KDM4C: variants seen among roughly 807,000 people sequenced by gnomAD.
KDM4C encodes the protein lysine demethylase 4C.
A neutral mutation model predicts 129.3 loss-of-function variants in KDM4C; 81 were observed. The ratio of observed to expected loss-of-function variants is 0.63; its 90% CI spans 0.52 to 0.75. The LOEUF (loss-of-function observed/expected upper bound fraction) is 0.75, where lower values mean the gene tolerates loss of function less well. Ranked by LOEUF, KDM4C falls within the 30% of genes least tolerant of loss-of-function variation. The pLI, the probability that KDM4C is intolerant of heterozygous loss-of-function variation, is 0.00. For synonymous variants in KDM4C, 573 were observed against 456.1 expected, an observed-to-expected ratio of 1.26 and a Z score of -3.26; for missense variants, 1,457 against 1,304.0, an observed-to-expected ratio of 1.12 and a Z score of -1.81.
At chr9:6,825,135 A>G (rs1029104056) in intron 4 of KDM4C, among the ~76,000 whole-genome samples, 1 of 143,850 alleles carries the variant, frequency 7.0e-6, no homozygotes, top group Non-Finnish European at 1.5e-5. Context: ...AACCAGAGTG[A>G]AACTCGGTCT....
intron 5 of KDM4C, among the ~76,000 whole-genome samples, chr9:6,861,264 A>G (rs947486598): frequency 2.0e-5 from 3 of 152,142 alleles, no homozygotes; most frequent in African/African-American, 7.2e-5. Context: ...CTCCCATGAG[A>G]TATTCAACTT....
chr9:6,841,938 T>G (rs751229998), intron 4 of KDM4C, among the ~76,000 whole-genome samples: 14 of 152,228 alleles, frequency 9.2e-5, no homozygotes, highest in Non-Finnish European at 1.6e-4. Flanking sequence ...GTTATCAGTT[T>G]TCTTAATTGC....
chr9:7,116,563 G>C (rs922207870), intron 18 of KDM4C, among the ~76,000 whole-genome samples: 1 of 152,062 alleles, frequency 6.6e-6, no homozygotes, highest in East Asian at 1.9e-4. Flanking sequence ...CACAGTGCTG[G>C]GTACGTGGGT....
rs1004512311 is a variant in KDM4C, at chr9:7,053,720, GTTCT to G, written c.2424+4528_2424+4531del. ...TAGTGGTCTCCATCCAGTTAAATTT[GTTCT>G]TTCTTTCGTTTTCTTTAACAATATT... On this transcript the variant is annotated intron_variant, in intron 17 of 21. Coordinates refer to ENST00000381309, the MANE Select transcript of KDM4C (RefSeq NM_015061.6). Among the ~76,000 whole-genome samples the G allele has an allele frequency of 8.5e-5, 13 of 152,126 alleles. 1 individual carries two copies. Among genetic ancestry groups the G allele is most frequent in the Admixed American group, 7.9e-4 (12 of 15,284 alleles).
chr9:7,165,396 C>T (rs1270845150), intron 20 of KDM4C, 39 bp downstream of exon 20: 4 of 1,603,060 alleles, frequency 2.5e-6, no homozygotes, highest in Non-Finnish European at 2.6e-6. Context: ...CTAAGATTGA[C>T]ATGATAAGTC....
chr9:6,855,339 G>C (rs775998869), intron 5 of KDM4C, among the ~76,000 whole-genome samples: 24 of 151,504 alleles, frequency 1.6e-4, no homozygotes, highest in Non-Finnish European at 2.8e-4. Flanking sequence ...CATGACTGTA[G>C]TCCCAGCTAC....
chr9:6,880,494 C>G (rs1328415926), intron 6 of KDM4C, among the ~76,000 whole-genome samples: 2 of 151,922 alleles, frequency 1.3e-5, no homozygotes, highest in Non-Finnish European at 2.9e-5. Context: ...GCTGTTTCCC[C>G]CAAGGGTTAT....
intron 12 of KDM4C, among the ~76,000 whole-genome samples, chr9:6,997,749 A>C (rs891176852): frequency 1.3e-5 from 2 of 152,188 alleles, no homozygotes; most frequent in Admixed American, 6.5e-5. Flanking sequence ...CATGAATGAT[A>C]AGTGTTCCTA....
At position 6,995,884 on chromosome 9, in the gene KDM4C, G is replaced by A. The variant is rs142860277; in HGVS notation, c.1786+5360G>A. ...GATGGGGTTTCACTGTGTTAGCCAG[G>A]ATGGTCTCGATCTGACCTCGTGATC... On this transcript the variant is annotated intron_variant, in intron 12 of 21. Coordinates refer to ENST00000381309, the MANE Select transcript of KDM4C (RefSeq NM_015061.6). Among the ~76,000 whole-genome samples, 99 of 135,248 alleles carry A rather than the reference G, an allele frequency of 7.3e-4. No individual in the cohort carries two copies. The East Asian group carries it at 0.018, about 24-fold the overall frequency. 88.7% of individuals were successfully genotyped at this position (135,248 alleles called of 152,430 possible).
At chr9:6,739,012 G>A (rs1817608846) in intron 1 of KDM4C, among the ~76,000 whole-genome samples, 1 of 151,948 alleles carries the variant, frequency 6.6e-6, no homozygotes, top group Non-Finnish European at 1.5e-5. Context: ...AAAGTGCTGG[G>A]ATTACGGGCA....
chr9:7,172,748 T>C (rs1030949190), intron 21 of KDM4C, among the ~76,000 whole-genome samples: 6 of 152,202 alleles, frequency 3.9e-5, no homozygotes, highest in African/African-American at 1.4e-4. Context: ...TTGTGGCTGT[T>C]TTCTTGTTTT....
At chr9:7,076,214 G>A (rs1331067838) in intron 17 of KDM4C, among the ~76,000 whole-genome samples, 1 of 152,104 alleles carries the variant, frequency 6.6e-6, no homozygotes, top group African/African-American at 2.4e-5. Context: ...TTCCTCTTGC[G>A]ATACTTTATG....
At chr9:6,800,450 G>T (rs992752917) in intron 2 of KDM4C, among the ~76,000 whole-genome samples, 2 of 151,638 alleles carry the variant, frequency 1.3e-5, no homozygotes, top group African/African-American at 4.8e-5. Flanking sequence ...GAGGTGGGAG[G>T]ATTTCTTGAG....
chr9:6,737,018 T>TC (rs1817546109), intron 1 of KDM4C, among the ~76,000 whole-genome samples: 1 of 124,982 alleles, frequency 8.0e-6, no homozygotes, highest in Non-Finnish European at 1.6e-5. Context: ...ACCACTACAT[T>TC]CCAGACTGGG....
At chr9:6,949,716 C>T (rs970233347) in intron 8 of KDM4C, among the ~76,000 whole-genome samples, 76 of 152,188 alleles carry the variant, frequency 5.0e-4, no homozygotes, top group African/African-American at 7.2e-4. Context: ...GCGGCGCGCG[C>T]CTGCAATCGC....
intron 5 of KDM4C, among the ~76,000 whole-genome samples, chr9:6,877,419 C>G (rs930110211): frequency 1.3e-5 from 2 of 152,144 alleles, no homozygotes; most frequent in Non-Finnish European, 2.9e-5. Context: ...CCAGGGTGGT[C>G]TCGGTCTCCT....
chr9:6,827,753 AG>A (rs951241568), intron 4 of KDM4C, among the ~76,000 whole-genome samples: 10 of 152,274 alleles, frequency 6.6e-5, no homozygotes, highest in African/African-American at 2.2e-4. Context: ...CATCCTAGAC[AG>A]GTTTTGACGC....
At chr9:6,837,969 C>A (rs1836195949) in intron 4 of KDM4C, among the ~76,000 whole-genome samples, 1 of 152,150 alleles carries the variant, frequency 6.6e-6, no homozygotes. Context: ...CTTTCAATCT[C>A]ATTGTATTTC....
intron 12 of KDM4C, among the ~76,000 whole-genome samples, chr9:6,995,771 A>C (rs1376788320): frequency 6.6e-5 from 10 of 151,850 alleles, no homozygotes; most frequent in African/African-American, 2.2e-4. Context: ...TGCTGGGTTC[A>C]CACCATTCTC....
Sources: gnomAD v4.1 joint callset for allele counts (sites outside exome capture counted in the v4.1 genomes callset) on GRCh38, gnomAD v4.1.1 for gene constraint, MANE v1.5 for transcripts, NCBI Gene and HGNC (gene_info 2026-07-23, HGNC 2026-07-21) for gene names.